Variants in LDB2 observed in about 807,000 individuals in gnomAD.
LDB2 encodes LIM domain-binding protein 2.
LDB2 carries 12 observed loss-of-function variants against 44.3 expected under a neutral mutation model. That is an observed-to-expected ratio of 0.27 (90% CI 0.17 to 0.44). The LOEUF (loss-of-function observed/expected upper bound fraction) is 0.44, where lower values mean the gene tolerates loss of function less well. Ranked by LOEUF, LDB2 falls within the 20% of genes least tolerant of loss-of-function variation. The pLI is 1.00. For synonymous variants in LDB2, 164 were observed against 174.8 expected (o/e 0.94, Z 0.49); for missense variants, 344 against 473.5 (o/e 0.73, Z 2.54).
At chr4:16,759,018 C>A in intron 2 of LDB2, 140 bp downstream of exon 2, 1 of 591,268 alleles carries the variant, frequency 1.7e-6, no homozygotes, top group Non-Finnish European at 3.0e-6. Flanking sequence ...GTGACAATGA[C>A]TCGATGAGAA....
chr4:16,649,254 G>A (rs188985222), intron 2 of LDB2, among the ~76,000 whole-genome samples: 74 of 152,288 alleles, frequency 4.9e-4, no homozygotes, highest in African/African-American at 1.5e-3. Flanking sequence ...TACTGGGAAC[G>A]AAATGCTTCC....
chr4:16,852,005 G>A (rs192032325), intron 1 of LDB2, among the ~76,000 whole-genome samples: 52 of 152,338 alleles, frequency 3.4e-4, no homozygotes, highest in African/African-American at 1.2e-3. Flanking sequence ...AGAAACAGTA[G>A]TGACCCAGCT....
At position 16,612,405 on chromosome 4, in the gene LDB2, A is replaced by C. The variant is rs1168092184; in HGVS notation, c.236-16530T>G. Among the ~76,000 whole-genome samples the C allele has an allele frequency of 4.6e-5, 7 of 152,336 alleles. No individual in the cohort carries two copies. In the South Asian group the frequency reaches 1.4e-3, roughly 32 times the overall value. On this transcript the variant is annotated intron_variant, in intron 2 of 7. Transcript: ENST00000304523. ...GAGACAGAGACACGAAAAATCCTCC[A>C]AACAATCAACGAATCCAGGAGCAGG...
intron 1 of LDB2, among the ~76,000 whole-genome samples, chr4:16,806,708 T>C (rs529766000): frequency 3.3e-5 from 5 of 152,256 alleles, no homozygotes; most frequent in African/African-American, 9.6e-5. Flanking sequence ...CCCCAAATAT[T>C]GGGATGTATG....
intron 5 of LDB2, among the ~76,000 whole-genome samples, chr4:16,550,106 TTAAA>T (rs1489025976): frequency 6.6e-6 from 1 of 152,214 alleles, no homozygotes; most frequent in East Asian, 1.9e-4. Context: ...CCTAAGTAAG[TTAAA>T]TAAACATGTT....
rs191479930 is a variant in LDB2, at chr4:16,557,435, G to A, written c.615+28487C>T. Among the ~76,000 whole-genome samples the A allele has an allele frequency of 0.022, 3,361 of 152,304 alleles. 235 individuals carry two copies. In the East Asian group the frequency reaches 0.26, roughly 12 times the overall value. Reference sequence around the variant, plus strand: ...CCGCACCTGGCTCGGAGGGTCCTACGCCCACGGAATCTCGCTGATTGCTAG... The same window carrying A: ...CCGCACCTGGCTCGGAGGGTCCTACACCCACGGAATCTCGCTGATTGCTAG... On this transcript the variant is annotated intron_variant, in intron 5 of 7. Transcript: ENST00000304523.
chr4:16,779,064 T>C (rs1010904685), intron 1 of LDB2, among the ~76,000 whole-genome samples: 25 of 152,172 alleles, frequency 1.6e-4, no homozygotes, highest in African/African-American at 5.8e-4. Context: ...CTCTCTTGTG[T>C]TCTTTTGTTC....
At chr4:16,861,895 C>T (rs1561469549) in intron 1 of LDB2, among the ~76,000 whole-genome samples, 1 of 152,206 alleles carries the variant, frequency 6.6e-6, no homozygotes, top group African/African-American at 2.4e-5. Context: ...TGCGGGGATA[C>T]TCCCTAGGTG....
In LDB2 at chr4:16,582,692, A is replaced by T. The variant is rs139266267; in HGVS notation, c.615+3230T>A. 1.2e-3 allele frequency among the ~76,000 whole-genome samples: 176 copies of T among 152,194 alleles called. No individual in the cohort carries two copies. Among genetic ancestry groups the T allele is most frequent in the African/African-American group, 4.0e-3 (165 of 41,534 alleles). On this transcript the variant is annotated intron_variant, in intron 5 of 7. Transcript: ENST00000304523. The surrounding 1 kb of genome is among the most constrained non-coding windows in gnomAD (Gnocchi z 4.8). Reference sequence around the variant, plus strand: ...TGGCTTGGATAACTGCTGCAGGGACACTCAGTCAGCAAGCCACAGCCCCCT... The same window carrying T: ...TGGCTTGGATAACTGCTGCAGGGACTCTCAGTCAGCAAGCCACAGCCCCCT...
chr4:16,766,508 A>G (rs5026451), intron 1 of LDB2, among the ~76,000 whole-genome samples: 3,169 of 56,884 alleles, frequency 0.056, 149 homozygotes, highest in African/African-American at 0.19. Context: ...GTGTGTGTAT[A>G]TATTTTTTTT....
chr4:16,518,998 A>T (rs748842493), intron 5 of LDB2, among the ~76,000 whole-genome samples: 3 of 152,222 alleles, frequency 2.0e-5, no homozygotes, highest in Non-Finnish European at 4.4e-5. Flanking sequence ...CTATCCTGCA[A>T]GGGACTCTTT....
chr4:16,675,968 G>A (rs1199434729), intron 2 of LDB2, among the ~76,000 whole-genome samples: 2 of 152,170 alleles, frequency 1.3e-5, no homozygotes, highest in African/African-American at 4.8e-5. Flanking sequence ...GAGGAAGAGG[G>A]AATATTTGGC....
Position 16,617,995 on chromosome 4 carries a change from A to G in LDB2, c.236-22120T>C, listed in dbSNP as rs547369984. The stretch of plus-strand genomic sequence containing the variant: ...CTTCTGTCTTGTATTTTTCTGGATA[A>G]TTCTTTCTTTTTTTGAGCTCCCAAC... On this transcript the variant is annotated intron_variant, in intron 2 of 7. Transcript: ENST00000304523. 5.9e-5 allele frequency among the ~76,000 whole-genome samples: 9 copies of G among 151,890 alleles called. No individual in the cohort carries two copies. The South Asian group carries it at 1.7e-3, about 28-fold the overall frequency.
In LDB2 at chr4:16,508,590, G is replaced by GTGCTGTT; in HGVS notation, c.829_835dup (p.Thr279LysfsTer22). 1 of 1,613,376 alleles carries GTGCTGTT rather than the reference G, an allele frequency of 6.2e-7. No individual in the cohort carries two copies. The highest frequency in any genetic ancestry group is 8.5e-7 in the Non-Finnish European group (1 of 1,179,630). ...AGCTGTGGTCTTCTTCTTGCTGCCA[G>GTGCTGTT]TGCTGTTTGCATTGTTCCCAGCGCT... On this transcript the variant is annotated frameshift_variant, in exon 7 of 8. Coordinates refer to ENST00000304523, the MANE Select transcript of LDB2 (RefSeq NM_001290.5). LOFTEE classifies it high-confidence loss of function.
chr4:16,776,556 G>T (rs1007564561), intron 1 of LDB2, among the ~76,000 whole-genome samples: 1 of 152,144 alleles, frequency 6.6e-6, no homozygotes, highest in Admixed American at 6.5e-5. Flanking sequence ...GAATTCATTC[G>T]TGCATTCAGA....
chr4:16,547,143 G>C (rs1736042805), intron 5 of LDB2, among the ~76,000 whole-genome samples: 1 of 152,172 alleles, frequency 6.6e-6, no homozygotes, highest in African/African-American at 2.4e-5. Flanking sequence ...TTATAAGAAG[G>C]GGAGAGGACA....
intron 2 of LDB2, among the ~76,000 whole-genome samples, chr4:16,736,394 T>G (rs1761920858): frequency 6.6e-6 from 1 of 152,246 alleles, no homozygotes; most frequent in Admixed American, 6.5e-5. Context: ...CATTGTCTAT[T>G]TGCCTGTATT....
At chr4:16,746,777 G>T (rs1458862694) in intron 2 of LDB2, among the ~76,000 whole-genome samples, 1 of 152,104 alleles carries the variant, frequency 6.6e-6, no homozygotes, top group Non-Finnish European at 1.5e-5. Context: ...ACAGAGTGAG[G>T]CTCGGTCTCA....
intron 2 of LDB2, among the ~76,000 whole-genome samples, chr4:16,629,045 T>C (rs917148979): frequency 6.6e-6 from 1 of 152,106 alleles, no homozygotes; most frequent in South Asian, 2.1e-4. Context: ...TGAAGCTTGG[T>C]TGGGGGAGGG....
Sources: gnomAD v4.1 joint callset for allele counts (sites outside exome capture counted in the v4.1 genomes callset) on GRCh38, gnomAD v4.1.1 for gene constraint, Gnocchi (gnomAD v3.1) non-coding constraint, MANE v1.5 for transcripts, NCBI Gene and HGNC (gene_info 2026-07-23, HGNC 2026-07-21) for gene names.